LAMA2: variants seen among roughly 807,000 people sequenced by gnomAD.
The protein encoded by LAMA2 is laminin subunit alpha 2, also known as laminin subunit alpha-2.
LAMA2 carries 269 observed loss-of-function variants against 364.8 expected under a neutral mutation model. That is an observed-to-expected ratio of 0.74 (90% CI 0.67 to 0.82). The LOEUF (loss-of-function observed/expected upper bound fraction) is 0.82, where lower values mean the gene tolerates loss of function less well. Ranked by LOEUF, LAMA2 falls within the 40% of genes least tolerant of loss-of-function variation. The pLI, the probability that LAMA2 is intolerant of heterozygous loss-of-function variation, is 0.00. For missense variants in LAMA2, 3,807 were observed against 3,873.2 expected (o/e 0.98, Z 0.45); for synonymous variants, 1,379 against 1,370.6 (o/e 1.01, Z -0.14).
At chr6:129,421,353 A>G (rs1266450998) in intron 40 of LAMA2, among the ~76,000 whole-genome samples, 1 of 151,850 alleles carries the variant, frequency 6.6e-6, no homozygotes, top group East Asian at 1.9e-4. Flanking sequence ...ATATATGTAC[A>G]CAGACTCAGA....
chr6:129,041,142 A>G (rs183168323), intron 1 of LAMA2, among the ~76,000 whole-genome samples: 4 of 152,332 alleles, frequency 2.6e-5, no homozygotes, highest in Admixed American at 2.6e-4. Flanking sequence ...TCTTCTTGCC[A>G]CCAGACAACA....
rs1562531729 is a variant in LAMA2, at chr6:129,402,467, C to T, written c.5706C>T (p.Asp1902=). 1.9e-6 allele frequency: 3 copies of T among 1,614,082 alleles called. No homozygotes were observed. In the East Asian group the frequency reaches 6.7e-5, roughly 36 times the overall value. ...QAESHAAQLN[D]SSAVLDGILD... is the part of the protein sequence containing the mutation. ...AGAGCCACGCAGCTCAGTTGAATGACTCATCTGCTGTCCTTGATGGGTATG... is the reference window on the plus strand; with the variant it reads ...AGAGCCACGCAGCTCAGTTGAATGATTCATCTGCTGTCCTTGATGGGTATG... Residue 1902 remains aspartate, a synonymous_variant, in exon 39 of 65, where the codon GAC becomes GAT. Transcript: ENST00000421865.
chr6:129,448,286 CCA>C (rs1491439381), intron 45 of LAMA2, among the ~76,000 whole-genome samples: 7 of 150,462 alleles, frequency 4.7e-5, no homozygotes, highest in Non-Finnish European at 1.0e-4. Flanking sequence ...CTGTCCCCCC[CCA>C]AAAAAAAAGA....
chr6:129,111,414 T>G lies in LAMA2; in HGVS notation c.639+12999T>G, dbSNP rs574204576. On this transcript the variant is annotated intron_variant, in intron 4 of 64. Transcript: ENST00000421865. ...GGTTATAAGTTAGAAAATTATATTT[T>G]CTTTGTGTAAATTTGTTCTTTAGCT... Among the ~76,000 whole-genome samples the G allele has an allele frequency of 9.9e-5, 15 of 152,110 alleles. No individual in the cohort carries two copies. The South Asian group carries it at 1.2e-3, about 13-fold the overall frequency.
At chr6:129,212,437 TG>T (rs938023993) in intron 12 of LAMA2, among the ~76,000 whole-genome samples, 7 of 152,244 alleles carry the variant, frequency 4.6e-5, no homozygotes, top group East Asian at 1.9e-4. Flanking sequence ...TTAAACCGGA[TG>T]TTTTTTTTAA....
chr6:129,225,376 C>A (rs970129756), intron 12 of LAMA2, among the ~76,000 whole-genome samples: 3 of 152,144 alleles, frequency 2.0e-5, no homozygotes, highest in Non-Finnish European at 4.4e-5. Flanking sequence ...CTTCTGCTAG[C>A]TTTTGAGTGT....
Position 129,452,922 on chromosome 6 carries a change from A to G in LAMA2, c.6430-66A>G, listed in dbSNP as rs951995324. ...GAAACGATGATGGCTTTGTGGTTGT[A>G]TGGAAGCTACTTCAAACTTTCTGAG... On this transcript the variant is annotated intron_variant, in intron 45 of 64. Transcript: ENST00000421865. 7.2e-6 allele frequency: 10 copies of G among 1,391,062 alleles called. No individual in the cohort carries two copies. The African/African-American group carries it at 1.4e-4, about 20-fold the overall frequency. 86.2% of individuals were successfully genotyped at this position (1,391,062 alleles called of 1,614,324 possible).
chr6:129,493,796 G>C (rs571952854), intron 58 of LAMA2, among the ~76,000 whole-genome samples: 3 of 152,174 alleles, frequency 2.0e-5, no homozygotes, highest in Admixed American at 1.3e-4. Context: ...ACTAGTAAAA[G>C]GCAGAGTAAG....
At chr6:129,492,204 A>G (rs1784902534) in intron 57 of LAMA2, 111 bp from the exon 58 acceptor site, 1 of 1,424,506 alleles carries the variant, frequency 7.0e-7, no homozygotes, top group South Asian at 1.2e-5. Flanking sequence ...TCTTCAACTT[A>G]GACTGAGAAA....
chr6:129,062,866 A>G (rs1283583651), intron 3 of LAMA2, among the ~76,000 whole-genome samples: 2 of 151,162 alleles, frequency 1.3e-5, no homozygotes, highest in Non-Finnish European at 2.9e-5. Flanking sequence ...TAAACATAAC[A>G]GAAACGATTG....
At chr6:129,194,038 T>G (rs1781693508) in intron 12 of LAMA2, among the ~76,000 whole-genome samples, 2 of 152,156 alleles carry the variant, frequency 1.3e-5, no homozygotes, top group Admixed American at 1.3e-4. Flanking sequence ...TCAATAGCTG[T>G]AAAATAAAAA....
At chr6:129,078,081 TA>T (rs1344393174) in intron 3 of LAMA2, among the ~76,000 whole-genome samples, 2 of 151,894 alleles carry the variant, frequency 1.3e-5, no homozygotes, top group African/African-American at 4.8e-5. Flanking sequence ...ATAGTGATAA[TA>T]GGGGAGGTTA....
chr6:129,024,686 G>A (rs1285794742), intron 1 of LAMA2, among the ~76,000 whole-genome samples: 3 of 151,982 alleles, frequency 2.0e-5, no homozygotes, highest in South Asian at 2.1e-4. Flanking sequence ...ATGAGCCACC[G>A]TGCCTGGCCA....
At chr6:129,025,156 G>GAAA (rs1268434872) in intron 1 of LAMA2, among the ~76,000 whole-genome samples, 2 of 152,034 alleles carry the variant, frequency 1.3e-5, no homozygotes, top group Non-Finnish European at 2.9e-5. Context: ...GAATCACTGG[G>GAAA]AAAAGACACA....
At chr6:129,195,682 T>G (rs1019756511) in intron 12 of LAMA2, among the ~76,000 whole-genome samples, 1 of 152,232 alleles carries the variant, frequency 6.6e-6, no homozygotes, top group African/African-American at 2.4e-5. Context: ...CACAGGGCTA[T>G]CCTAGGTGCA....
At position 128,889,140 on chromosome 6, in the gene LAMA2, T is replaced by C. The variant is rs556618074; in HGVS notation, c.112+5783T>C. Among the ~76,000 whole-genome samples the C allele has an allele frequency of 6.6e-5, 10 of 152,352 alleles. No homozygotes were observed. The East Asian group carries it at 1.5e-3, about 24-fold the overall frequency. On this transcript the variant is annotated intron_variant, in intron 1 of 64. Coordinates refer to ENST00000421865, the MANE Select transcript of LAMA2 (RefSeq NM_000426.4). ...AGCTTTTAAAAATTTTGCTCCAGTGTAGTTAGAAATATGACAGATTTTTAA... is the reference window on the plus strand; with the variant it reads ...AGCTTTTAAAAATTTTGCTCCAGTGCAGTTAGAAATATGACAGATTTTTAA...
Position 129,221,850 on chromosome 6 carries a change from AAC to A in LAMA2, c.1783-28260_1783-28259del, listed in dbSNP as rs573376073. On this transcript the variant is annotated intron_variant, in intron 12 of 64. Coordinates refer to ENST00000421865, the MANE Select transcript of LAMA2 (RefSeq NM_000426.4). ...GACAGCAGATGCCTATCCAGAGGTA[AAC>A]AAATTGTAATATATCTGGAATAACT... Among the ~76,000 whole-genome samples the A allele has an allele frequency of 2.0e-5, 3 of 152,286 alleles. No homozygotes were observed. The South Asian group carries it at 6.2e-4, about 32-fold the overall frequency.
At chr6:129,227,383 T>C (rs1284507820) in intron 12 of LAMA2, among the ~76,000 whole-genome samples, 1 of 152,242 alleles carries the variant, frequency 6.6e-6, no homozygotes, top group Non-Finnish European at 1.5e-5. Flanking sequence ...AGGAGCTTCA[T>C]TCCTTTGGAG....
chr6:128,977,205 CCT>C (rs1452059723), intron 1 of LAMA2, among the ~76,000 whole-genome samples: 2 of 151,234 alleles, frequency 1.3e-5, no homozygotes, highest in Non-Finnish European at 2.9e-5. Context: ...CGTTCCTCCC[CCT>C]CTCTGTTTCT....
Sources: allele counts gnomAD v4.1 joint callset (sites outside exome capture counted in the v4.1 genomes callset), GRCh38; gene constraint gnomAD v4.1.1; transcripts MANE v1.5; gene names NCBI Gene and HGNC (gene_info 2026-07-23, HGNC 2026-07-21).